The following CDH12 variants were observed in gnomAD, a reference collection of about 807,000 sequenced individuals.
CDH12 encodes cadherin 12.
In CDH12, 41 loss-of-function variants were observed where a neutral mutation model predicts 74.1. The ratio of observed to expected loss-of-function variants is 0.55; its 90% confidence interval spans 0.43 to 0.72. CDH12 has a LOEUF of 0.72. Among genes scored for constraint, CDH12 ranks in the 30% least tolerant of loss-of-function variants. CDH12 has a pLI of 0.00. For missense variants in CDH12, 945 were observed against 977.2 expected (o/e 0.97, Z 0.44); for synonymous variants, 399 against 355.0 (o/e 1.12, Z -1.39).
intron 2 of CDH12, among the ~76,000 whole-genome samples, chr5:22,460,225 T>A (rs938010943): frequency 6.6e-6 from 1 of 152,312 alleles, no homozygotes; most frequent in South Asian, 2.1e-4. Context: ...TATAATTTAT[T>A]TTTTTCAAGT....
chr5:22,059,333 T>C (rs10070272), intron 5 of CDH12, among the ~76,000 whole-genome samples: 38,634 of 144,764 alleles, frequency 0.27, 5,402 homozygotes, highest in African/African-American at 0.35. Context: ...ATCGTCTATC[T>C]ATCATCTATC....
At position 21,808,096 on chromosome 5, in the gene CDH12, A is replaced by G. The variant is rs145689645; in HGVS notation, c.1003-5676T>C. On this transcript the variant is annotated intron_variant, in intron 9 of 14. Transcript: ENST00000382254. The stretch of plus-strand genomic sequence containing the variant: ...CGAGAGCTAACAACATTGTCATAGG[A>G]GCCACAAGGAAGTAGTAACTACCAC... Among the ~76,000 whole-genome samples the G allele has an allele frequency of 2.6e-5, 4 of 152,236 alleles. No homozygotes were observed. In the East Asian group the frequency reaches 7.7e-4, roughly 29 times the overall value.
At chr5:22,112,667 A>G (rs1187250961) in intron 4 of CDH12, among the ~76,000 whole-genome samples, 1 of 152,202 alleles carries the variant, frequency 6.6e-6, no homozygotes, top group African/African-American at 2.4e-5. Flanking sequence ...AAGCTCAGCA[A>G]AGCTGAATCA....
chr5:21,870,512 A>G (rs76331873), intron 6 of CDH12, among the ~76,000 whole-genome samples: 1,683 of 152,178 alleles, frequency 0.011, 31 homozygotes, highest in African/African-American at 0.038. Context: ...TAGCCATTCA[A>G]TCCTGGACTT....
At chr5:22,040,505 G>A (rs936807105) in intron 5 of CDH12, among the ~76,000 whole-genome samples, 1 of 152,230 alleles carries the variant, frequency 6.6e-6, no homozygotes, top group Admixed American at 6.5e-5. Context: ...GAGACATATT[G>A]TAATTAAACT....
intron 2 of CDH12, among the ~76,000 whole-genome samples, chr5:22,466,359 C>T (rs572872265): frequency 6.6e-6 from 1 of 152,208 alleles, no homozygotes; most frequent in South Asian, 2.1e-4. Context: ...TGTTTATGGG[C>T]CAGTGATCGC....
intron 1 of CDH12, among the ~76,000 whole-genome samples, chr5:22,830,180 C>T (rs568634268): frequency 2.0e-5 from 3 of 152,070 alleles, no homozygotes; most frequent in Admixed American, 1.3e-4. Context: ...ACATGAATTT[C>T]CGTCATGTGA....
chr5:21,855,882 C>T (rs1458691630), intron 6 of CDH12, among the ~76,000 whole-genome samples: 1 of 151,606 alleles, frequency 6.6e-6, no homozygotes, highest in Admixed American at 6.6e-5. Flanking sequence ...TTCATTTCTA[C>T]CATTTTCTTT....
At chr5:22,799,875 C>G (rs1174097359) in intron 1 of CDH12, among the ~76,000 whole-genome samples, 1 of 152,012 alleles carries the variant, frequency 6.6e-6, no homozygotes, top group Non-Finnish European at 1.5e-5. Context: ...AGTTTTACTA[C>G]TGGAAAATTA....
chr5:22,688,018 A>G (rs994056481), intron 1 of CDH12, among the ~76,000 whole-genome samples: 17 of 152,132 alleles, frequency 1.1e-4, no homozygotes, highest in African/African-American at 3.4e-4. Context: ...AGGAAAGTCT[A>G]TGAGAATAGA....
At chr5:22,121,206 T>C (rs1745494300) in intron 4 of CDH12, among the ~76,000 whole-genome samples, 1 of 152,202 alleles carries the variant, frequency 6.6e-6, no homozygotes, top group Non-Finnish European at 1.5e-5. Flanking sequence ...GGAAGAGGCA[T>C]TGATGGCATT....
intron 1 of CDH12, among the ~76,000 whole-genome samples, chr5:22,808,706 G>T (rs1467342535): frequency 7.2e-6 from 1 of 138,540 alleles, no homozygotes; most frequent in Non-Finnish European, 1.5e-5. Context: ...CCGGGTTCAA[G>T]CGAATCTCCT....
At chr5:22,121,500 G>C (rs1745509597) in intron 4 of CDH12, among the ~76,000 whole-genome samples, 1 of 152,180 alleles carries the variant, frequency 6.6e-6, no homozygotes, top group Non-Finnish European at 1.5e-5. Context: ...TCTTACGTCT[G>C]ATTCGGGAGT....
At chr5:22,164,629 G>T (rs912197180) in intron 4 of CDH12, among the ~76,000 whole-genome samples, 1 of 152,230 alleles carries the variant, frequency 6.6e-6, no homozygotes, top group Non-Finnish European at 1.5e-5. Context: ...CCCCAAGGGG[G>T]TTGCCTTTGC....
chr5:21,854,667 T>G lies in CDH12; in HGVS notation c.646+4A>C, dbSNP rs1337353689. On this transcript the variant is annotated splice_donor_region_variant and intron_variant, in intron 7 of 14. Transcript: ENST00000382254. ...GATAATGTTGCCTCTAATAAAAAAT[T>G]TACCTGTCTTGGGATCAATAGAGAA... 6.3e-7 allele frequency: 1 copy of G among 1,593,130 alleles called. No homozygotes were observed. Among genetic ancestry groups the G allele is most frequent in the Non-Finnish European group, 8.5e-7 (1 of 1,170,756 alleles).
chr5:22,268,335 C>T (rs1266197580), intron 3 of CDH12, among the ~76,000 whole-genome samples: 3 of 151,834 alleles, frequency 2.0e-5, no homozygotes, highest in Admixed American at 6.6e-5. Context: ...TTACATTTTA[C>T]AAGGAAAACA....
chr5:22,155,119 C>T (rs558527302), intron 4 of CDH12, among the ~76,000 whole-genome samples: 14 of 152,236 alleles, frequency 9.2e-5, no homozygotes, highest in African/African-American at 2.9e-4. Flanking sequence ...CATATCACAC[C>T]TCAGATTTCT....
At chr5:21,963,344 C>A (rs1756445781) in intron 6 of CDH12, among the ~76,000 whole-genome samples, 1 of 151,972 alleles carries the variant, frequency 6.6e-6, no homozygotes, top group Non-Finnish European at 1.5e-5. Context: ...TTCTGCATAG[C>A]AAAAGAAATT....
At chr5:22,082,290 C>T (rs1283163606) in intron 4 of CDH12, among the ~76,000 whole-genome samples, 1 of 152,126 alleles carries the variant, frequency 6.6e-6, no homozygotes, top group African/African-American at 2.4e-5. Context: ...AAAAGGAAGA[C>T]TTTATGGCTT....
Sources: gnomAD v4.1 joint callset for allele counts (sites outside exome capture counted in the v4.1 genomes callset) on GRCh38, gnomAD v4.1.1 for gene constraint, MANE v1.5 for transcripts, NCBI Gene and HGNC (gene_info 2026-07-23, HGNC 2026-07-21) for gene names.